Variants in CNTN1 observed in about 807,000 individuals in gnomAD.
The protein encoded by CNTN1 is contactin-1.
A neutral mutation model predicts 126.4 loss-of-function variants in CNTN1; 38 were observed. The ratio of observed to expected loss-of-function variants is 0.30; its 90% CI spans 0.23 to 0.39. The LOEUF is 0.39. CNTN1 is among the 10% of genes least tolerant of loss of function. CNTN1 has a pLI of 1.00. For missense variants in CNTN1, 1,009 were observed against 1,248.4 expected (o/e 0.81, Z 2.89); for synonymous variants, 413 against 422.6 (o/e 0.98, Z 0.28).
At chr12:40,757,386 A>G (rs1017251054) in intron 1 of CNTN1, among the ~76,000 whole-genome samples, 1 of 152,160 alleles carries the variant, frequency 6.6e-6, no homozygotes, top group African/African-American at 2.4e-5. Flanking sequence ...AGCATCCTCT[A>G]GCTCAGAGCA....
At chr12:40,983,163 T>C (rs114746628) in intron 16 of CNTN1, among the ~76,000 whole-genome samples, 3,049 of 152,270 alleles carry the variant, frequency 0.02, 90 homozygotes, top group African/African-American at 0.068. Flanking sequence ...AAAGTTCCTA[T>C]TTCCATTATA....
chr12:40,903,193 C>G (rs1018030456), intron 1 of CNTN1, among the ~76,000 whole-genome samples: 1 of 152,088 alleles, frequency 6.6e-6, no homozygotes, highest in Non-Finnish European at 1.5e-5. Context: ...AGCAGCAGTA[C>G]CTGGCATAAG....
intron 14 of CNTN1, among the ~76,000 whole-genome samples, chr12:40,951,997 T>C (rs1946707547): frequency 6.6e-6 from 1 of 152,088 alleles, no homozygotes; most frequent in Admixed American, 6.6e-5. Context: ...CAATTGTTAA[T>C]CTAGTTGGCT....
chr12:40,739,293 A>G (rs1245342935), intron 1 of CNTN1, among the ~76,000 whole-genome samples: 2 of 152,110 alleles, frequency 1.3e-5, no homozygotes, highest in African/African-American at 4.8e-5. Context: ...AAATCTCAGC[A>G]TTTAGTTTAA....
intron 1 of CNTN1, among the ~76,000 whole-genome samples, chr12:40,879,969 G>T (rs1943816986): frequency 2.0e-5 from 3 of 152,028 alleles, no homozygotes; most frequent in Admixed American, 2.0e-4. Flanking sequence ...TATCAAACAA[G>T]CTGAATAAAG....
At chr12:40,816,234 C>T (rs1941251006) in intron 1 of CNTN1, among the ~76,000 whole-genome samples, 1 of 152,098 alleles carries the variant, frequency 6.6e-6, no homozygotes, top group East Asian at 1.9e-4. Flanking sequence ...GGTACTAGCT[C>T]CTCCTTGTAT....
intron 1 of CNTN1, among the ~76,000 whole-genome samples, chr12:40,709,634 A>T (rs1482318156): frequency 6.6e-6 from 1 of 152,236 alleles, no homozygotes; most frequent in South Asian, 2.1e-4. Context: ...CACCTTCATC[A>T]GTGAGCTTAG....
At chr12:41,018,103 T>C (rs2006861) in intron 19 of CNTN1, among the ~76,000 whole-genome samples, 3 of 148,730 alleles carry the variant, frequency 2.0e-5, no homozygotes, top group Admixed American at 1.3e-4. Flanking sequence ...AAAAAAAAAA[T>C]AATAATAATA....
intron 23 of CNTN1, among the ~76,000 whole-genome samples, chr12:41,033,674 A>T (rs960057417): frequency 2.6e-5 from 4 of 152,214 alleles, no homozygotes; most frequent in Non-Finnish European, 4.4e-5. Flanking sequence ...ATTGTCGAAA[A>T]TATGTATAGG....
intron 1 of CNTN1, among the ~76,000 whole-genome samples, chr12:40,863,360 C>T (rs1051334254): frequency 1.3e-5 from 2 of 152,014 alleles, no homozygotes; most frequent in Non-Finnish European, 2.9e-5. Flanking sequence ...TACTGTAATT[C>T]TGTATTAGAC....
intron 1 of CNTN1, among the ~76,000 whole-genome samples, chr12:40,855,407 A>T (rs1565837264): frequency 6.6e-6 from 1 of 152,050 alleles, no homozygotes; most frequent in Non-Finnish European, 1.5e-5. Flanking sequence ...AAAATATTTG[A>T]TATATCTCTT....
chr12:40,833,131 C>T (rs1042051444), intron 1 of CNTN1, among the ~76,000 whole-genome samples: 1 of 152,018 alleles, frequency 6.6e-6, no homozygotes, highest in Non-Finnish European at 1.5e-5. Flanking sequence ...TCTCGGCTCA[C>T]GGCAACCTCC....
At chr12:40,782,665 G>A (rs551823896) in intron 1 of CNTN1, among the ~76,000 whole-genome samples, 4 of 152,010 alleles carry the variant, frequency 2.6e-5, no homozygotes, top group South Asian at 2.1e-4. Flanking sequence ...GTAGATGGAG[G>A]TGTATGGACT....
intron 1 of CNTN1, among the ~76,000 whole-genome samples, chr12:40,785,035 A>G (rs1939957902): frequency 6.6e-6 from 1 of 152,282 alleles, no homozygotes; most frequent in South Asian, 2.1e-4. Context: ...TCATCTGAAA[A>G]TTATAAAATG....
At chr12:40,814,539 T>C (rs1247715367) in intron 1 of CNTN1, among the ~76,000 whole-genome samples, 1 of 152,216 alleles carries the variant, frequency 6.6e-6, no homozygotes, top group African/African-American at 2.4e-5. Context: ...GTCTCTATTC[T>C]GCTCCATTGG....
chr12:41,006,230 C>G (rs1948490691), intron 17 of CNTN1, among the ~76,000 whole-genome samples: 1 of 152,176 alleles, frequency 6.6e-6, no homozygotes, highest in Admixed American at 6.5e-5. Flanking sequence ...CTCTGGGGGA[C>G]TCATATTAGG....
At chr12:40,809,947 T>C (rs1002628391) in intron 1 of CNTN1, among the ~76,000 whole-genome samples, 1 of 152,102 alleles carries the variant, frequency 6.6e-6, no homozygotes, top group Non-Finnish European at 1.5e-5. Context: ...CTAATCTCTA[T>C]TGTTAGTCGT....
intron 1 of CNTN1, among the ~76,000 whole-genome samples, chr12:40,751,136 A>G (rs1252201403): frequency 6.6e-6 from 1 of 152,104 alleles, no homozygotes; most frequent in Non-Finnish European, 1.5e-5. Flanking sequence ...AAGACCAAAA[A>G]GAGACCACTG....
intron 23 of CNTN1, among the ~76,000 whole-genome samples, chr12:41,060,001 G>A (rs184146253): frequency 6.6e-6 from 1 of 152,014 alleles, no homozygotes; most frequent in African/African-American, 2.4e-5. Context: ...ACTCACTCAG[G>A]CAACTGAGTG....
Sources: gnomAD v4.1 joint callset for allele counts (sites outside exome capture counted in the v4.1 genomes callset) on GRCh38, gnomAD v4.1.1 for gene constraint, MANE v1.5 for transcripts, NCBI Gene and HGNC (gene_info 2026-07-23, HGNC 2026-07-21) for gene names.